Variants in VSTM2A observed in about 807,000 individuals in gnomAD.
VSTM2A encodes V-set and transmembrane domain-containing protein 2A.
Under a neutral mutation model 27.3 loss-of-function variants are expected in VSTM2A, and 13 were observed. The ratio of observed to expected loss-of-function variants is 0.48; its 90% CI spans 0.31 to 0.76. VSTM2A has a LOEUF of 0.76. Among genes scored for constraint, VSTM2A ranks in the 30% least tolerant of loss-of-function variants. VSTM2A has a pLI of 0.05. For synonymous variants in VSTM2A, 142 were observed against 125.7 expected, an observed-to-expected ratio of 1.13 and a Z score of -0.87; for missense variants, 280 against 310.0, an observed-to-expected ratio of 0.90 and a Z score of 0.73.
chr7:54,552,839 A>G (rs972686341), intron 4 of VSTM2A, among the ~76,000 whole-genome samples: 5 of 152,208 alleles, frequency 3.3e-5, no homozygotes, highest in South Asian at 2.1e-4. Context: ...TCTATGGTAT[A>G]TGGGACACTG....
chr7:54,570,284 A>G lies in VSTM2A; in HGVS notation c.*1065A>G, dbSNP rs1328833959. ...ATTATTATCATTATAATCTTGTCAA[A>G]TAGAAATGTTGCTTCTAGAAAATTT... On this transcript the variant is annotated 3_prime_UTR_variant, in exon 5 of 5. Coordinates refer to ENST00000402613, the MANE Select transcript of VSTM2A (RefSeq NM_001301009.2). 6.6e-6 allele frequency: 1 copy of G among 152,204 alleles called. No homozygotes were observed. Among genetic ancestry groups the G allele is most frequent in the Non-Finnish European group, 1.5e-5 (1 of 68,036 alleles). The allele number at this position is 152,204 out of a possible 1,614,324, so 9.4% of individuals were successfully genotyped here.
At chr7:54,566,642 A>G (rs952246859) in intron 4 of VSTM2A, among the ~76,000 whole-genome samples, 1 of 152,250 alleles carries the variant, frequency 6.6e-6, no homozygotes, top group Non-Finnish European at 1.5e-5. Flanking sequence ...AAAACAAAAT[A>G]GGCAATCCTA....
At chr7:54,549,575 A>G (rs1286118262) in intron 3 of VSTM2A, among the ~76,000 whole-genome samples, 1 of 152,218 alleles carries the variant, frequency 6.6e-6, no homozygotes, top group Non-Finnish European at 1.5e-5. Context: ...CATGTAGACA[A>G]TGGGGGGCAC....
intron 1 of VSTM2A, among the ~76,000 whole-genome samples, chr7:54,543,515 G>A (rs1011054827): frequency 2.0e-5 from 3 of 149,548 alleles, no homozygotes; most frequent in South Asian, 4.3e-4. Flanking sequence ...CCTGTTTTAG[G>A]TACAAATATA....
In VSTM2A at chr7:54,569,574, A is replaced by G. The variant is rs912858491; in HGVS notation, c.*355A>G. On this transcript the variant is annotated 3_prime_UTR_variant, in exon 5 of 5. Transcript: ENST00000402613. ...AAAACCCCCTTTTTAGGGGAAGAAC[A>G]AAACTATCAACACTGCAAGTCAACA... 1.4e-4 allele frequency: 29 copies of G among 204,598 alleles called. No individual in the cohort carries two copies. Among genetic ancestry groups the G allele is most frequent in the African/African-American group, 5.0e-4 (22 of 43,578 alleles). 12.7% of individuals were successfully genotyped at this position (204,598 alleles called of 1,614,324 possible). A position where few individuals can be genotyped will look rare whatever the true frequency, so the allele number is the denominator to read the frequency against.
In VSTM2A at chr7:54,544,752, G is replaced by A; in HGVS notation, c.210G>A (p.Glu70=). ...AATGGTGGTTCCTGCGGGGGCCGGA[G>A]GACCTGGATCCCGGGGCCGAGGGGG... ...EIQWWFLRGP[E]DLDPGAEGAG... The change falls in exon 2 of 5, where the codon GAG becomes GAA. Residue 70 remains glutamate (E), a synonymous_variant. Coordinates refer to ENST00000402613, the MANE Select transcript of VSTM2A (RefSeq NM_001301009.2). 2 of 1,612,170 alleles carry A rather than the reference G, an allele frequency of 1.2e-6. No homozygotes were observed. Among genetic ancestry groups the A allele is most frequent in the South Asian group, 2.2e-5 (2 of 91,058 alleles).
chr7:54,549,666 T>C (rs58132861), intron 3 of VSTM2A, among the ~76,000 whole-genome samples, 168 bp from the exon 4 acceptor site: 7,644 of 152,324 alleles, frequency 0.05, 234 homozygotes, highest in Admixed American at 0.086. Flanking sequence ...TGGAATAGGA[T>C]AGCCAAGGCC....
chr7:54,542,594 C>G lies in VSTM2A; in HGVS notation c.-137C>G, dbSNP rs1429784690. 6.8e-6 allele frequency: 5 copies of G among 740,134 alleles called. No homozygotes were observed. In the East Asian group the frequency reaches 1.0e-4, roughly 15 times the overall value. The allele number at this position is 740,134 out of a possible 1,614,324, so 45.8% of individuals were successfully genotyped here. A position where few individuals can be genotyped will look rare whatever the true frequency, so the allele number is the denominator to read the frequency against. ...CAATCCCTTCTCCCCACAGCCAGCCCTCGCCAAGCAAGCAGCAGGATGTTT... is the reference window on the plus strand; with the variant it reads ...CAATCCCTTCTCCCCACAGCCAGCCGTCGCCAAGCAAGCAGCAGGATGTTT... On this transcript the variant is annotated 5_prime_UTR_variant, in exon 1 of 5. Coordinates refer to ENST00000402613, the MANE Select transcript of VSTM2A (RefSeq NM_001301009.2).
In VSTM2A at chr7:54,544,655, C is replaced by A; in HGVS notation, c.113C>A (p.Ala38Glu). The change falls in exon 2 of 5, where the codon GCG becomes GAG. Residue 38 changes from alanine (A) to glutamate (E), a missense_variant. Transcript: ENST00000402613. The stretch of plus-strand genomic sequence containing the variant: ...ACCGAGTTTCCGCGGAACGTGACGG[C>A]GACCGAGGGGCAGAATGTGGAGATG... ...KFTEFPRNVT[A>E]TEGQNVEMSC... The A allele has an allele frequency of 6.2e-7, 1 of 1,613,024 alleles. No individual in the cohort carries two copies. The highest frequency in any genetic ancestry group is 2.2e-5 in the East Asian group (1 of 44,870).
At chr7:54,563,721 T>G (rs1421602485) in intron 4 of VSTM2A, among the ~76,000 whole-genome samples, 1 of 152,098 alleles carries the variant, frequency 6.6e-6, no homozygotes, top group Non-Finnish European at 1.5e-5. Flanking sequence ...AGAGCCCTCA[T>G]AACTAGAACA....
intron 4 of VSTM2A, chr7:54,550,468 GTTGGT>G: frequency 8.0e-6 from 5 of 622,072 alleles, no homozygotes; most frequent in Non-Finnish European, 1.2e-5. Flanking sequence ...ATCATGTAAT[GTTGGT>G]TACATTACAA....
chr7:54,567,852 T>C (rs1788771973), intron 4 of VSTM2A, among the ~76,000 whole-genome samples: 1 of 152,170 alleles, frequency 6.6e-6, no homozygotes, highest in African/African-American at 2.4e-5. Context: ...AAAGCTCTGA[T>C]GTTATTGGTT....
At chr7:54,548,332 AC>A (rs746129670) in intron 3 of VSTM2A, among the ~76,000 whole-genome samples, 1 of 151,916 alleles carries the variant, frequency 6.6e-6, no homozygotes, top group Non-Finnish European at 1.5e-5. Flanking sequence ...TTAGACACAA[AC>A]TGAGGCAGAA....
chr7:54,568,911 G>A (rs1217485157), intron 4 of VSTM2A: 10 of 1,338,124 alleles, frequency 7.5e-6, no homozygotes, highest in African/African-American at 4.4e-5. Flanking sequence ...CCAAGCTGGC[G>A]AGCTAATTAA....
rs1562717718 is a variant in VSTM2A at position 54,569,252 on chromosome 7, CATAA to C, written c.*36_*39del. 1.3e-6 allele frequency: 2 copies of C among 1,551,330 alleles called. No homozygotes were observed. Among genetic ancestry groups the C allele is most frequent in the Admixed American group, 3.9e-5 (2 of 50,966 alleles). On this transcript the variant is annotated 3_prime_UTR_variant, in exon 5 of 5. Transcript: ENST00000402613. ...CACAAGGAGCGCCTGCTTCCGGAAG[CATAA>C]ATGAAGAGGCTATCACATGCTTTGT... is the stretch of plus-strand genomic sequence containing the variant.
chr7:54,557,741 A>T (rs533336636), intron 4 of VSTM2A: 3 of 152,330 alleles, frequency 2.0e-5, no homozygotes, highest in African/African-American at 7.2e-5. Context: ...TCCCTGAATG[A>T]ATGGTGACTA....
chr7:54,544,818 C>T, intron 2 of VSTM2A, 30 bp downstream of exon 2: 1 of 1,565,672 alleles, frequency 6.4e-7, no homozygotes, highest in Non-Finnish European at 8.7e-7. Flanking sequence ...CCGCGTCTCC[C>T]CTTCGCTCGC....
chr7:54,555,675 A>G (rs1285269197), intron 4 of VSTM2A, among the ~76,000 whole-genome samples: 1 of 152,256 alleles, frequency 6.6e-6, no homozygotes, highest in Non-Finnish European at 1.5e-5. Flanking sequence ...TAAGCAAACT[A>G]GGACAGTTTA....
At chr7:54,554,114 C>A in intron 4 of VSTM2A, 1 of 1,548,508 alleles carries the variant, frequency 6.5e-7, no homozygotes, top group East Asian at 2.4e-5. Context: ...AGCTGTCATG[C>A]AAGTCACTGG....
Sources: allele counts gnomAD v4.1 joint callset (sites outside exome capture counted in the v4.1 genomes callset), GRCh38; gene constraint gnomAD v4.1.1; transcripts MANE v1.5; gene names NCBI Gene and HGNC (gene_info 2026-07-23, HGNC 2026-07-21).